The following TIAM2 variants were observed in gnomAD, a reference collection of about 807,000 sequenced individuals.
TIAM2 encodes the protein rho guanine nucleotide exchange factor TIAM2.
Under a neutral mutation model 152.9 loss-of-function variants are expected in TIAM2, and 80 were observed. That is an observed-to-expected ratio of 0.52 (90% CI 0.44 to 0.63). TIAM2 has a LOEUF of 0.63. TIAM2 is among the 30% of genes least tolerant of loss of function. The pLI is 0.00. For synonymous variants in TIAM2, 804 were observed against 838.0 expected (o/e 0.96, Z 0.70); for missense variants, 1,965 against 2,120.1 (o/e 0.93, Z 1.44).
intron 14 of TIAM2, among the ~76,000 whole-genome samples, chr6:155,202,953 T>G (rs918239126): frequency 2.7e-5 from 4 of 145,932 alleles, no homozygotes; most frequent in Admixed American, 7.3e-5. Flanking sequence ...CTCAGGAGGC[T>G]GAGGCACGAG....
intron 1 of TIAM2, among the ~76,000 whole-genome samples, chr6:155,049,172 C>T (rs1465529129): frequency 6.6e-6 from 1 of 152,104 alleles, no homozygotes; most frequent in African/African-American, 2.4e-5. Context: ...TTGATTCGAA[C>T]CTAGCTACCA....
At chr6:155,082,713 G>A (rs976152791) in intron 1 of TIAM2, among the ~76,000 whole-genome samples, 4 of 89,248 alleles carry the variant, frequency 4.5e-5, no homozygotes, top group East Asian at 3.9e-4. Flanking sequence ...AATAAATATC[G>A]TAGAAGTGCA....
In TIAM2 at chr6:154,995,357, G is replaced by A. The variant is rs1267770000; in HGVS notation, c.-344G>A. The A allele has an allele frequency of 6.6e-6, 1 of 151,140 alleles. No individual in the cohort carries two copies. The allele number at this position is 151,140 out of a possible 1,614,324, so 9.4% of individuals were successfully genotyped here. A position where few individuals can be genotyped will look rare whatever the true frequency, so the allele number is the denominator to read the frequency against. The stretch of plus-strand genomic sequence containing the variant: ...TGGCCGCGGCCGCCGCAGGCGCACA[G>A]CGCGCGTCCAAGTGGAGAACAAAGT... On this transcript the variant is annotated 5_prime_UTR_variant, in exon 1 of 27. Coordinates refer to ENST00000682666, the MANE Select transcript of TIAM2 (RefSeq NM_012454.4). The surrounding 1 kb of genome is among the most constrained non-coding windows in gnomAD (Gnocchi z 5.2).
intron 1 of TIAM2, among the ~76,000 whole-genome samples, chr6:155,085,565 A>G (rs1562311074): frequency 6.6e-6 from 1 of 151,084 alleles, no homozygotes; most frequent in Non-Finnish European, 1.5e-5. Flanking sequence ...GTGGCCATTA[A>G]AAAAAAAAAC....
intron 7 of TIAM2, among the ~76,000 whole-genome samples, chr6:155,153,619 C>T (rs1235636031): frequency 4.2e-5 from 5 of 117,980 alleles, no homozygotes; most frequent in Admixed American, 3.2e-4. Flanking sequence ...GAGCTGTTTA[C>T]GCTTTTTTTT....
rs1440798009 is a variant in TIAM2, at chr6:155,152,531, G to A, written c.2028+4197G>A. Among the ~76,000 whole-genome samples the A allele has an allele frequency of 3.3e-5, 5 of 152,326 alleles. No homozygotes were observed. The East Asian group carries it at 9.6e-4, about 29-fold the overall frequency. ...AGATCAAAGAGCCTGAAGGAGACAC[G>A]GTTATCCCAGAGTTTTCTTTGTACC... On this transcript the variant is annotated intron_variant, in intron 7 of 26. Coordinates refer to ENST00000682666, the MANE Select transcript of TIAM2 (RefSeq NM_012454.4).
chr6:155,156,121 A>C lies in TIAM2; in HGVS notation c.2028+7787A>C, dbSNP rs531291430. On this transcript the variant is annotated intron_variant, in intron 7 of 26. Transcript: ENST00000682666. The surrounding 1 kb of genome is among the most constrained non-coding windows in gnomAD (Gnocchi z 4.4). The stretch of plus-strand genomic sequence containing the variant: ...CATGTGCAGTCATGGAAGACCCTGG[A>C]GGAGGGAGGCCAAGTTGCTTCTTGA... Among the ~76,000 whole-genome samples, 1 of 152,324 alleles carries C rather than the reference A, an allele frequency of 6.6e-6. No individual in the cohort carries two copies. Among genetic ancestry groups the C allele is most frequent in the South Asian group, 2.1e-4 (1 of 4,822 alleles).
At chr6:155,187,055 A>G (rs1419466525) in intron 14 of TIAM2, among the ~76,000 whole-genome samples, 3 of 152,212 alleles carry the variant, frequency 2.0e-5, no homozygotes, top group Admixed American at 1.3e-4. Flanking sequence ...AATATCAGAA[A>G]GTAGATGAAA....
In TIAM2 at chr6:155,253,004, C is replaced by T; in HGVS notation, c.4176C>T (p.Arg1392=). ...CTGACTTGGACCCATTTAAATTCCG[C>T]TGGTTGATCCCCATCTCCGCGCTTC... ...NSTDLDPFKF[R]WLIPISALQV... The change falls in exon 24 of 27, where the codon CGC becomes CGT. Residue 1392 remains arginine, a synonymous_variant. Transcript: ENST00000682666. 2 of 1,614,232 alleles carry T rather than the reference C, an allele frequency of 1.2e-6. No individual in the cohort carries two copies. Among genetic ancestry groups the T allele is most frequent in the South Asian group, 1.1e-5 (1 of 91,084 alleles).
In TIAM2 at chr6:155,257,319, G is replaced by A; in HGVS notation, c.*198G>A. The A allele has an allele frequency of 3.2e-6, 2 of 621,860 alleles. No homozygotes were observed. Among genetic ancestry groups the A allele is most frequent in the Non-Finnish European group, 2.7e-6 (1 of 370,848 alleles). 38.5% of individuals were successfully genotyped at this position (621,860 alleles called of 1,614,324 possible). Reference sequence around the variant, plus strand: ...TCAGAAACCTAGATGAAACTGGTCAGAATCTGTAAATTACTTAGTTTATAT... The same window carrying A: ...TCAGAAACCTAGATGAAACTGGTCAAAATCTGTAAATTACTTAGTTTATAT... On this transcript the variant is annotated 3_prime_UTR_variant, in exon 27 of 27. Coordinates refer to ENST00000682666, the MANE Select transcript of TIAM2 (RefSeq NM_012454.4).
chr6:155,244,824 C>G, intron 18 of TIAM2, 41 bp downstream of exon 18: 1 of 1,570,272 alleles, frequency 6.4e-7, no homozygotes, highest in Non-Finnish European at 8.6e-7. Context: ...AAATACGTGG[C>G]TATGGTACGT....
intron 9 of TIAM2, among the ~76,000 whole-genome samples, chr6:155,166,521 A>G (rs1489240417): frequency 6.6e-6 from 1 of 151,800 alleles, no homozygotes; most frequent in Non-Finnish European, 1.5e-5. Flanking sequence ...ACAGGGTTTC[A>G]CCTGTTGGCC....
At chr6:155,232,681 C>A (rs1447339924) in intron 15 of TIAM2, 1 of 151,322 alleles carries the variant, frequency 6.6e-6, no homozygotes, top group African/African-American at 2.4e-5. Flanking sequence ...AGGCCTATGG[C>A]TCAACACAGA....
chr6:155,125,019 G>A (rs2115030432), intron 2 of TIAM2, among the ~76,000 whole-genome samples: 1 of 152,102 alleles, frequency 6.6e-6, no homozygotes, highest in East Asian at 1.9e-4. Context: ...CCTCATGCTT[G>A]TAATCCCAGC....
rs144536103 is a variant in TIAM2, at chr6:155,080,521, C to T, written c.-208-9768C>T. ...GTGGCACAATCTCTGCTCACTGCAA[C>T]CTCCGCCTCCCAGGTTCAAGCGATT... On this transcript the variant is annotated intron_variant, in intron 1 of 26. Coordinates refer to ENST00000682666, the MANE Select transcript of TIAM2 (RefSeq NM_012454.4). Among the ~76,000 whole-genome samples, 403 of 151,810 alleles carry T rather than the reference C, an allele frequency of 2.7e-3. 4 individuals carry two copies. Among genetic ancestry groups the T allele is most frequent in the African/African-American group, 9.2e-3 (382 of 41,380 alleles).
At chr6:155,029,591 G>GT (rs1776776150) in intron 1 of TIAM2, among the ~76,000 whole-genome samples, 1 of 68,532 alleles carries the variant, frequency 1.5e-5, no homozygotes, top group African/African-American at 6.4e-5. Flanking sequence ...TAACTATATA[G>GT]TATATATAGT....
At chr6:155,232,435 G>A (rs117799931) in intron 15 of TIAM2, 2,088 of 152,290 alleles carry the variant, frequency 0.014, 17 homozygotes, top group Non-Finnish European at 0.021. Flanking sequence ...GTATGAGAAC[G>A]CAAACCATAT....
intron 1 of TIAM2, among the ~76,000 whole-genome samples, chr6:155,004,596 G>GTTAGTGAGGA (rs1210257537): frequency 4.7e-4 from 71 of 152,044 alleles, no homozygotes; most frequent in African/African-American, 1.7e-3. Context: ...GGGTTTCACC[G>GTTAGTGAGGA]TGTTAGCGAG....
chr6:155,097,780 A>G (rs544012439), intron 2 of TIAM2, among the ~76,000 whole-genome samples: 1 of 152,206 alleles, frequency 6.6e-6, no homozygotes, highest in African/African-American at 2.4e-5. Context: ...TGGCCGTTTC[A>G]TATTTTCAGG....
Sources: allele counts gnomAD v4.1 joint callset (sites outside exome capture counted in the v4.1 genomes callset), GRCh38; gene constraint gnomAD v4.1.1; non-coding constraint Gnocchi (gnomAD v3.1); transcripts MANE v1.5; gene names NCBI Gene and HGNC (gene_info 2026-07-23, HGNC 2026-07-21).